The following TASOR2 variants were observed in gnomAD, a reference collection of about 807,000 sequenced individuals.
TASOR2 encodes transcription activation suppressor family member 2.
Under a neutral mutation model 199.5 loss-of-function variants are expected in TASOR2, and 84 were observed. That is an observed-to-expected ratio of 0.42 (90% CI 0.35 to 0.50). The LOEUF (loss-of-function observed/expected upper bound fraction) is 0.50. Ranked by LOEUF, TASOR2 falls within the 20% of genes least tolerant of loss-of-function variation. The probability of loss-of-function intolerance (pLI) is 0.02; values close to 1 mark genes in which losing one functional copy is unlikely to be tolerated. For synonymous variants in TASOR2, 1,103 were observed against 1,046.6 expected (o/e 1.05, Z -1.04); for missense variants, 2,796 against 2,835.9 (o/e 0.99, Z 0.32).
At position 5,748,685 on chromosome 10, in the gene TASOR2, G is replaced by T. The variant is rs1837565718; in HGVS notation, c.5264G>T (p.Gly1755Val). 7 of 1,614,184 alleles carry T rather than the reference G, an allele frequency of 4.3e-6. No homozygotes were observed. Among genetic ancestry groups the T allele is most frequent in the South Asian group, 1.1e-5 (1 of 91,084 alleles). The change falls in exon 15 of 21, where the codon GGT becomes GTT. Residue 1755 changes from glycine to valine, a missense_variant. By Grantham distance (109) the Gly-to-Val change is moderately radical (BLOSUM62 -3). Around this residue, in one of 3 missense-constraint regions of TASOR2, gnomAD observed 1,941 missense variants for 1,924.9 expected, o/e 1.01. Coordinates refer to ENST00000328090, the Ensembl canonical transcript of TASOR2. This position sits in a 1 kb window ranked among gnomAD's most constrained non-coding sequence, Gnocchi z 5.1. ...GTCGGGGTTTCCTCCCTTTGTGCTGGTCCCTACCAAAATACAGCAGACACC... is the reference window on the plus strand; with the variant it reads ...GTCGGGGTTTCCTCCCTTTGTGCTGTTCCCTACCAAAATACAGCAGACACC...
chr10:5,699,257 A>C lies in TASOR2; in HGVS notation c.-287-13566A>C, dbSNP rs577312377. Among the ~76,000 whole-genome samples, 4 of 152,244 alleles carry C rather than the reference A, an allele frequency of 2.6e-5. No individual in the cohort carries two copies. In the Middle Eastern group the frequency reaches 0.01, roughly 388 times the overall value. ...GTGCTGTATGACTCTGTTTATAGGAAATGGTCTGGAATAGGCAAATCTGTA... is the reference window on the plus strand; with the variant it reads ...GTGCTGTATGACTCTGTTTATAGGACATGGTCTGGAATAGGCAAATCTGTA... On this transcript the variant is annotated intron_variant, in intron 1 of 20. Coordinates refer to ENST00000328090, the Ensembl canonical transcript of TASOR2. This position sits in a 1 kb window ranked among gnomAD's most constrained non-coding sequence, Gnocchi z 4.1.
rs1023717140 is a variant in TASOR2 at position 5,712,322 on chromosome 10, T to G, written c.-287-501T>G. The G allele has an allele frequency of 1.0e-5, 11 of 1,076,182 alleles. No homozygotes were observed. The African/African-American group carries it at 1.8e-4, about 18-fold the overall frequency. 66.7% of individuals were successfully genotyped at this position (1,076,182 alleles called of 1,614,324 possible). A position where few individuals can be genotyped will look rare whatever the true frequency, so the allele number is the denominator to read the frequency against. ...GGAATAGGTGATGTTTTGAGTGATA[T>G]TCAGTGTGTCTCCCTTAACCCCATC... On this transcript the variant is annotated intron_variant, in intron 1 of 20. Coordinates refer to ENST00000328090, the Ensembl canonical transcript of TASOR2.
At position 5,720,911 on chromosome 10, in the gene TASOR2, C is replaced by G; in HGVS notation, c.87C>G (p.Asp29Glu). Residue 29 changes from aspartate to glutamate, a missense_variant, in exon 6 of 21, where the codon GAC becomes GAG. Asp to Glu is a conservative substitution (Grantham distance 45, BLOSUM62 2). Coordinates refer to ENST00000328090, the Ensembl canonical transcript of TASOR2. This position sits in a 1 kb window ranked among gnomAD's most constrained non-coding sequence, Gnocchi z 5.3. ...GGAAAGGGAAATTAATTGTTCAAGA[C>G]CGTATGCTATGTGATATAGCTCTTT... 6.2e-7 allele frequency: 1 copy of G among 1,613,414 alleles called. No individual in the cohort carries two copies. Among genetic ancestry groups the G allele is most frequent in the East Asian group, 2.2e-5 (1 of 44,838 alleles).
In TASOR2 at chr10:5,754,915, G is replaced by A. The variant is rs1187634674; in HGVS notation, c.6607-1698G>A. On this transcript the variant is annotated intron_variant, in intron 15 of 20. Coordinates refer to ENST00000328090, the Ensembl canonical transcript of TASOR2. The surrounding 1 kb of genome is among the most constrained non-coding windows in gnomAD (Gnocchi z 4.3). ...AAAGAAATTAGCTGGGCGTGGTGGC[G>A]GGTGCCTGTAGTCCCAGCTACTCGG... 6.6e-6 allele frequency among the ~76,000 whole-genome samples: 1 copy of A among 151,634 alleles called. No homozygotes were observed. The highest frequency in any genetic ancestry group is 2.4e-5 in the African/African-American group (1 of 41,300).
chr10:5,757,415 A>C, intron 16 of TASOR2, 105 bp from the exon 18 acceptor site: 2 of 1,121,468 alleles, frequency 1.8e-6, no homozygotes, highest in Non-Finnish European at 2.5e-6. Flanking sequence ...AAATATTTTC[A>C]GTTGTTCCTG....
rs967828306 is a variant in TASOR2 at position 5,752,737 on chromosome 10, C to T, written c.6606+2710C>T. ...ATTTCTTGGTCTGCCCTGCTCTTCT[C>T]ATATGGAGGTGTGTAGCTGGCAAAC... is the stretch of plus-strand genomic sequence containing the variant. On this transcript the variant is annotated intron_variant, in intron 15 of 20. Transcript: ENST00000328090. The surrounding 1 kb of genome is among the most constrained non-coding windows in gnomAD (Gnocchi z 4.4). Among the ~76,000 whole-genome samples, 2 of 152,220 alleles carry T rather than the reference C, an allele frequency of 1.3e-5. No individual in the cohort carries two copies. The highest frequency in any genetic ancestry group is 2.9e-5 in the Non-Finnish European group (2 of 68,044).
intron 8 of TASOR2, 170 bp from the exon 10 acceptor site, chr10:5,726,715 G>A (rs771482189): frequency 6.5e-6 from 4 of 611,992 alleles, no homozygotes; most frequent in Non-Finnish European, 1.1e-5. Context: ...GATTATTTCA[G>A]CTAAGGAACT....
rs369658501 is a variant in TASOR2, at chr10:5,740,077, A to G, written c.1907A>G (p.Glu636Gly). The G allele has an allele frequency of 7.9e-5, 127 of 1,613,922 alleles. No homozygotes were observed. Among genetic ancestry groups the G allele is most frequent in the Admixed American group, 2.3e-4 (14 of 60,006 alleles). Residue 636 changes from glutamate to glycine, a missense_variant, in exon 13 of 21, where the codon GAG (glutamate) becomes GGG (glycine). By Grantham distance (98) the Glu-to-Gly change is moderately conservative (BLOSUM62 -2). Transcript: ENST00000328090. The surrounding 1 kb of genome is among the most constrained non-coding windows in gnomAD (Gnocchi z 5.3). ...GCTAAAGCCCAGTCAGCACTTACTG[A>G]GGAAATGCTAGAATCTTCAGATGCA...
chr10:5,716,162 C>A (rs7073359), intron 2 of TASOR2, among the ~76,000 whole-genome samples: 90 of 152,318 alleles, frequency 5.9e-4, no homozygotes, highest in Non-Finnish European at 9.1e-4. Flanking sequence ...TACAAACTTA[C>A]GGGATCACTG....
At position 5,737,434 on chromosome 10, in the gene TASOR2, T is replaced by G. The variant is rs1183044280; in HGVS notation, c.1447+1888T>G. On this transcript the variant is annotated intron_variant, in intron 12 of 20. Transcript: ENST00000328090. The surrounding 1 kb of genome is among the most constrained non-coding windows in gnomAD (Gnocchi z 4.9). ...GGCTTCCATACCAGATTTGAGCTCT[T>G]CTGCTTGTCCCTCTCGGGAGTTTAT... 2.6e-5 allele frequency among the ~76,000 whole-genome samples: 4 copies of G among 151,770 alleles called. No homozygotes were observed. Among genetic ancestry groups the G allele is most frequent in the Admixed American group, 2.6e-4 (4 of 15,238 alleles).
rs750074546 is a variant in TASOR2 at position 5,739,960 on chromosome 10, C to T, written c.1790C>T (p.Pro597Leu). ...AAAACTCAAAAAGGTGAATTACTAC[C>T]TAACCCATCTTCTGATAGGAAGAGT... Residue 597 changes from proline (P) to leucine (L), a missense_variant, in exon 13 of 21, where the codon CCT becomes CTT. Physicochemically the swap from Pro to Leu is moderately conservative, Grantham distance 98 (BLOSUM62 -3). This residue lies in a region of TASOR2 where 847 missense variants were observed against 887.4 expected (regional missense o/e 0.95). Coordinates refer to ENST00000328090, the Ensembl canonical transcript of TASOR2. The T allele has an allele frequency of 5.0e-6, 8 of 1,614,090 alleles. No homozygotes were observed. The highest frequency in any genetic ancestry group is 6.8e-6 in the Non-Finnish European group (8 of 1,180,024).
Position 5,752,943 on chromosome 10 carries a change from G to T in TASOR2, c.6606+2916G>T, listed in dbSNP as rs746380710. Among the ~76,000 whole-genome samples the T allele has an allele frequency of 6.6e-6, 1 of 152,172 alleles. No homozygotes were observed. The highest frequency in any genetic ancestry group is 1.5e-5 in the Non-Finnish European group (1 of 68,038). ...TGAGGTCGCTGGGAGCCACTGGAAA[G>T]GTTCTGTTAGGTTTTTTCCTCCTAA... On this transcript the variant is annotated intron_variant, in intron 15 of 20. Coordinates refer to ENST00000328090, the Ensembl canonical transcript of TASOR2. This position sits in a 1 kb window ranked among gnomAD's most constrained non-coding sequence, Gnocchi z 4.4.
intron 2 of TASOR2, among the ~76,000 whole-genome samples, chr10:5,716,311 T>C (rs1030845394): frequency 6.6e-6 from 1 of 152,194 alleles, no homozygotes; most frequent in African/African-American, 2.4e-5. Flanking sequence ...TGGGCTATTA[T>C]GAATAATGGT....
rs150562707 is a variant in TASOR2 at position 5,748,952 on chromosome 10, A to T, written c.5531A>T (p.Asp1844Val). 449 of 1,614,014 alleles carry T rather than the reference A, an allele frequency of 2.8e-4. No homozygotes were observed. In the African/African-American group the frequency reaches 5.3e-3, roughly 19 times the overall value. ...GGTGATTGTAGAAATCCCAGACTGG[A>T]TTTGGAGGATTCTTATACTTTAAGA... The change falls in exon 15 of 21, where the codon GAT (aspartate) becomes GTT (valine). Residue 1844 changes from aspartate (D) to valine (V), a missense_variant. Asp to Val is a radical substitution (Grantham distance 152, BLOSUM62 -3). Transcript: ENST00000328090. The surrounding 1 kb of genome is among the most constrained non-coding windows in gnomAD (Gnocchi z 5.1).
At chr10:5,759,208 G>A (rs1331633110) in intron 18 of TASOR2, among the ~76,000 whole-genome samples, 1 of 152,074 alleles carries the variant, frequency 6.6e-6, no homozygotes, top group African/African-American at 2.4e-5. Context: ...CAGAAGTAAG[G>A]GAGTCAAACT....
chr10:5,696,705 G>A (rs1289698971), intron 1 of TASOR2, among the ~76,000 whole-genome samples: 1 of 152,048 alleles, frequency 6.6e-6, no homozygotes, highest in Non-Finnish European at 1.5e-5. Context: ...ACAGCCAAGG[G>A]TCGCCTGCCA....
chr10:5,736,811 T>G (rs1424914897), intron 12 of TASOR2, among the ~76,000 whole-genome samples: 1 of 152,194 alleles, frequency 6.6e-6, no homozygotes, highest in African/African-American at 2.4e-5. Flanking sequence ...TGTATTTTTT[T>G]TGTTTTGTTT....
chr10:5,735,872 C>A (rs1249816654), intron 12 of TASOR2, among the ~76,000 whole-genome samples: 1 of 152,140 alleles, frequency 6.6e-6, no homozygotes, highest in African/African-American at 2.4e-5. Context: ...CATTATTTTT[C>A]TAGACCATTA....
At chr10:5,708,603 C>T (rs1831456962) in intron 1 of TASOR2, among the ~76,000 whole-genome samples, 2 of 64,828 alleles carry the variant, frequency 3.1e-5, no homozygotes, top group South Asian at 8.6e-4. Flanking sequence ...TCTATCTCTT[C>T]CTTCCTCCCT....
Sources: allele counts gnomAD v4.1 joint callset (sites outside exome capture counted in the v4.1 genomes callset), GRCh38; gene constraint gnomAD v4.1.1; regional missense constraint gnomAD v4.1.1; non-coding constraint Gnocchi (gnomAD v3.1); transcripts MANE v1.5; gene names NCBI Gene and HGNC (gene_info 2026-07-23, HGNC 2026-07-21).